Variants in DGKB observed in about 807,000 individuals in gnomAD.
DGKB encodes 90 kDa diacylglycerol kinase.
Under a neutral mutation model 114.3 loss-of-function variants are expected in DGKB, and 67 were observed. The ratio of observed to expected loss-of-function variants is 0.59; its 90% CI spans 0.48 to 0.72. DGKB has a LOEUF of 0.72. Among genes scored for constraint, DGKB ranks in the 30% least tolerant of loss-of-function variants. The pLI is 0.00. For synonymous variants in DGKB, 398 were observed against 323.1 expected (o/e 1.23, Z -2.49); for missense variants, 907 against 975.2 (o/e 0.93, Z 0.93).
At chr7:14,205,950 T>C (rs1358304951) in intron 23 of DGKB, among the ~76,000 whole-genome samples, 1 of 152,012 alleles carries the variant, frequency 6.6e-6, no homozygotes, top group Non-Finnish European at 1.5e-5. Context: ...GACAGGTAGA[T>C]AGAAGCAAGA....
chr7:14,730,214 T>C (rs925032731), intron 5 of DGKB, among the ~76,000 whole-genome samples: 3 of 152,210 alleles, frequency 2.0e-5, no homozygotes, highest in Non-Finnish European at 4.4e-5. Flanking sequence ...CTATCTTATA[T>C]GTAAAGAAAG....
At chr7:14,850,212 T>C (rs1439125238) in intron 1 of DGKB, among the ~76,000 whole-genome samples, 1 of 152,110 alleles carries the variant, frequency 6.6e-6, no homozygotes, top group Non-Finnish European at 1.5e-5. Flanking sequence ...GCAAGTTAGA[T>C]AGTAAAGGTG....
At chr7:14,906,876 A>G (rs547542721), upstream of DGKB, among the ~76,000 whole-genome samples, 4 of 152,250 alleles carry the variant, frequency 2.6e-5, no homozygotes, top group Non-Finnish European at 2.9e-5. Flanking sequence ...TGGGAAAAGA[A>G]ACAGTTCAAT....
intron 25 of DGKB, among the ~76,000 whole-genome samples, chr7:14,153,505 C>A (rs771383673): frequency 6.6e-6 from 1 of 152,050 alleles, no homozygotes; most frequent in African/African-American, 2.4e-5. Context: ...TAAAAGGGTT[C>A]TGCTACCTGC....
chr7:14,689,319 C>T (rs1195870364), intron 9 of DGKB, among the ~76,000 whole-genome samples: 2 of 150,024 alleles, frequency 1.3e-5, no homozygotes, highest in South Asian at 2.1e-4. Flanking sequence ...CATTCTCCTG[C>T]CTTCACCCAC....
chr7:14,298,924 C>A (rs1178682343), intron 23 of DGKB, among the ~76,000 whole-genome samples: 1 of 152,060 alleles, frequency 6.6e-6, no homozygotes, highest in East Asian at 1.9e-4. Flanking sequence ...TTTATGCAAC[C>A]AGCAAACATA....
intron 23 of DGKB, among the ~76,000 whole-genome samples, chr7:14,200,513 A>G (rs1390168166): frequency 6.6e-6 from 1 of 152,100 alleles, no homozygotes; most frequent in African/African-American, 2.4e-5. Context: ...CTTCTTGATT[A>G]GGAATTTGGC....
chr7:14,575,715 C>T (rs947036365), intron 19 of DGKB, among the ~76,000 whole-genome samples: 3 of 152,144 alleles, frequency 2.0e-5, no homozygotes, highest in Non-Finnish European at 4.4e-5. Flanking sequence ...CAAAAGCACA[C>T]ACATAGTCCT....
intron 7 of DGKB, 125 bp from the exon 8 acceptor site, chr7:14,698,294 A>G: frequency 1.7e-6 from 1 of 583,572 alleles, no homozygotes; most frequent in Non-Finnish European, 3.0e-6. Flanking sequence ...ATGGGAATAT[A>G]TATATGTACA....
chr7:14,709,091 T>C (rs1342962590), intron 6 of DGKB, among the ~76,000 whole-genome samples: 1 of 147,282 alleles, frequency 6.8e-6, no homozygotes, highest in Non-Finnish European at 1.5e-5. Flanking sequence ...ATATCCAGAA[T>C]CTACAATGAA....
intron 2 of DGKB, among the ~76,000 whole-genome samples, chr7:14,805,709 T>G (rs931368038): frequency 6.6e-6 from 1 of 151,862 alleles, no homozygotes; most frequent in African/African-American, 2.4e-5. Context: ...ATCAACATAG[T>G]AAATGTTTAT....
intron 2 of DGKB, among the ~76,000 whole-genome samples, chr7:14,763,145 T>A (rs1835943634): frequency 6.6e-6 from 1 of 152,130 alleles, no homozygotes; most frequent in African/African-American, 2.4e-5. Flanking sequence ...TTAGAGCTCT[T>A]CTTTTGCTGA....
chr7:14,494,653 C>G (rs1265242436), intron 20 of DGKB, among the ~76,000 whole-genome samples: 1 of 151,848 alleles, frequency 6.6e-6, no homozygotes, highest in Non-Finnish European at 1.5e-5. Context: ...TTTTGCCAGG[C>G]AAAAACATCA....
At chr7:14,964,207 T>C (rs17168558) in intron 1 of DGKB, among the ~76,000 whole-genome samples, 3,950 of 152,074 alleles carry the variant, frequency 0.026, 145 homozygotes, top group African/African-American at 0.089. Flanking sequence ...TTTTGAAGAG[T>C]TATAAATATT....
At chr7:14,449,826 T>G (rs2128834681) in intron 21 of DGKB, among the ~76,000 whole-genome samples, 1 of 152,222 alleles carries the variant, frequency 6.6e-6, no homozygotes, top group South Asian at 2.1e-4. Context: ...ATTAACATTG[T>G]CTCTTGTATC....
At chr7:14,762,761 A>C (rs976584399) in intron 2 of DGKB, among the ~76,000 whole-genome samples, 1 of 152,150 alleles carries the variant, frequency 6.6e-6, no homozygotes, top group African/African-American at 2.4e-5. Context: ...AGCTAGATTT[A>C]GATTTGAATC....
chr7:14,685,185 C>T, intron 10 of DGKB, 60 bp downstream of exon 10: 1 of 1,107,312 alleles, frequency 9.0e-7, no homozygotes, highest in Non-Finnish European at 1.4e-6. Context: ...AAGACTATTC[C>T]ATGAAATCAA....
intron 23 of DGKB, among the ~76,000 whole-genome samples, chr7:14,297,816 A>G (rs1317556140): frequency 6.6e-6 from 1 of 152,328 alleles, no homozygotes; most frequent in East Asian, 1.9e-4. Flanking sequence ...CCATCATCTC[A>G]GCCCCAAATC....
intron 23 of DGKB, among the ~76,000 whole-genome samples, chr7:14,262,136 G>C (rs143679547): frequency 1.3e-5 from 2 of 152,120 alleles, no homozygotes; most frequent in Admixed American, 6.6e-5. Flanking sequence ...AGATAATGAC[G>C]TATCAGTTGA....
Sources: allele counts gnomAD v4.1 joint callset (sites outside exome capture counted in the v4.1 genomes callset), GRCh38; gene constraint gnomAD v4.1.1; transcripts MANE v1.5; gene names NCBI Gene and HGNC (gene_info 2026-07-23, HGNC 2026-07-21).